The following UBAP1 variants were observed in gnomAD, a reference collection of about 807,000 sequenced individuals.
The protein encoded by UBAP1 is ubiquitin associated protein 1.
UBAP1 carries 5 observed loss-of-function variants against 39.0 expected under a neutral mutation model. The ratio of observed to expected loss-of-function variants is 0.13; its 90% CI spans 0.07 to 0.27. UBAP1 has a LOEUF of 0.27. UBAP1 is among the 10% of genes least tolerant of loss of function. The pLI is 1.00. For missense variants in UBAP1, 490 were observed against 608.1 expected (o/e 0.81, Z 2.04); for synonymous variants, 211 against 225.1 (o/e 0.94, Z 0.56).
At chr9:34,195,204 T>G (rs527982397) in intron 1 of UBAP1, among the ~76,000 whole-genome samples, 30 of 152,046 alleles carry the variant, frequency 2.0e-4, no homozygotes, top group Non-Finnish European at 3.7e-4. Context: ...TCCCCTTTAG[T>G]TTTTCCTTTA....
intron 1 of UBAP1, among the ~76,000 whole-genome samples, chr9:34,195,808 G>C (rs186401743): frequency 4.6e-4 from 70 of 151,780 alleles, no homozygotes; most frequent in Admixed American, 7.2e-4. Context: ...TGTTGGTCAG[G>C]CTGGTCTCGA....
chr9:34,225,995 T>C (rs1833030384), intron 2 of UBAP1, among the ~76,000 whole-genome samples: 1 of 152,020 alleles, frequency 6.6e-6, no homozygotes, highest in Non-Finnish European at 1.5e-5. Context: ...CATATTTACA[T>C]GTTTAATGTA....
At chr9:34,211,749 C>G (rs1224912964) in intron 1 of UBAP1, among the ~76,000 whole-genome samples, 1 of 152,112 alleles carries the variant, frequency 6.6e-6, no homozygotes, top group African/African-American at 2.4e-5. Flanking sequence ...CTTAACCCAT[C>G]TCTTCTTCTT....
At chr9:34,185,506 G>T (rs1830357379) in intron 1 of UBAP1, among the ~76,000 whole-genome samples, 1 of 152,122 alleles carries the variant, frequency 6.6e-6, no homozygotes. Context: ...CTGAGATCAT[G>T]CCCCTGCACT....
intron 1 of UBAP1, among the ~76,000 whole-genome samples, chr9:34,202,456 A>G (rs992457212): frequency 6.6e-6 from 1 of 152,052 alleles, no homozygotes; most frequent in Non-Finnish European, 1.5e-5. Context: ...AAGACTCACA[A>G]TGAGAAAGGG....
At chr9:34,212,961 A>T (rs1832099679) in intron 1 of UBAP1, among the ~76,000 whole-genome samples, 1 of 152,246 alleles carries the variant, frequency 6.6e-6, no homozygotes, top group African/African-American at 2.4e-5. Context: ...ACAAAATACT[A>T]GCTAACCAAA....
intron 1 of UBAP1, among the ~76,000 whole-genome samples, chr9:34,206,871 A>G (rs1347261041): frequency 6.6e-6 from 1 of 151,894 alleles, no homozygotes; most frequent in African/African-American, 2.4e-5. Flanking sequence ...TTATATACCA[A>G]ATGTTTATAT....
intron 1 of UBAP1, among the ~76,000 whole-genome samples, chr9:34,209,138 A>G (rs1831882218): frequency 1.3e-5 from 2 of 151,982 alleles, no homozygotes; most frequent in South Asian, 4.1e-4. Flanking sequence ...GAGTTTCACC[A>G]TGTTGGCCAG....
intron 1 of UBAP1, among the ~76,000 whole-genome samples, chr9:34,212,620 T>C (rs1832081452): frequency 6.6e-6 from 1 of 152,074 alleles, no homozygotes; most frequent in Non-Finnish European, 1.5e-5. Context: ...GTAAAATAAA[T>C]GGGTTTAGGG....
At chr9:34,197,052 C>T (rs1283188203) in intron 1 of UBAP1, among the ~76,000 whole-genome samples, 2 of 151,666 alleles carry the variant, frequency 1.3e-5, no homozygotes, top group Admixed American at 6.6e-5. Flanking sequence ...CTCAGCCTCC[C>T]GAATAGCTGA....
intron 1 of UBAP1, chr9:34,211,964 T>C: frequency 4.8e-6 from 2 of 419,838 alleles, no homozygotes; most frequent in South Asian, 1.7e-5. Context: ...AAGTTGTTGG[T>C]TTTGGGATTT....
chr9:34,179,918 C>A (rs150892708), intron 1 of UBAP1, among the ~76,000 whole-genome samples: 1 of 152,022 alleles, frequency 6.6e-6, no homozygotes, highest in East Asian at 1.9e-4. Flanking sequence ...TCCAGACTAG[C>A]GTCTTAAAAG....
In UBAP1 at chr9:34,186,994, G is replaced by A. The variant is rs1400856331; in HGVS notation, c.-8+7754G>A. 4.6e-5 allele frequency among the ~76,000 whole-genome samples: 7 copies of A among 152,086 alleles called. No individual in the cohort carries two copies. In the East Asian group the frequency reaches 5.8e-4, roughly 13 times the overall value. On this transcript the variant is annotated intron_variant, in intron 1 of 6. Transcript: ENST00000297661. ...GTGATCTTGGCTCACTGCAGCCTCC[G>A]CCTCCTGGGTTCAAGCAATTCTCCT...
chr9:34,222,621 G>C (rs755646439), intron 2 of UBAP1, among the ~76,000 whole-genome samples: 1 of 151,880 alleles, frequency 6.6e-6, no homozygotes, highest in Non-Finnish European at 1.5e-5. Context: ...ATAGTGAGAC[G>C]CTGTCTCTAC....
At chr9:34,231,226 A>C (rs1833401221) in intron 2 of UBAP1, among the ~76,000 whole-genome samples, 1 of 149,736 alleles carries the variant, frequency 6.7e-6, no homozygotes, top group Non-Finnish European at 1.5e-5. Flanking sequence ...GCATGTCTTT[A>C]TTTATTTATT....
intron 1 of UBAP1, among the ~76,000 whole-genome samples, chr9:34,189,969 A>G (rs1830624473): frequency 6.6e-6 from 1 of 152,166 alleles, no homozygotes. Flanking sequence ...AAGGTTTATT[A>G]TATTTCCGAG....
At chr9:34,204,053 G>A (rs960295352) in intron 1 of UBAP1, among the ~76,000 whole-genome samples, 8 of 152,306 alleles carry the variant, frequency 5.3e-5, no homozygotes, top group South Asian at 2.1e-4. Flanking sequence ...GAGACTGGGC[G>A]TGGTGGTTCA....
In UBAP1 at chr9:34,241,987, T is replaced by C. The variant is rs1403218566; in HGVS notation, c.962T>C (p.Leu321Pro). 1.7e-5 allele frequency: 28 copies of C among 1,614,184 alleles called. No individual in the cohort carries two copies. The highest frequency in any genetic ancestry group is 2.3e-5 in the Non-Finnish European group (27 of 1,180,042). Reference sequence around the variant, plus strand: ...CTCAATGGGCATCACACTCTTGGGCTTTCAGCTTTGAACTTGGACAGTGGC... The same window carrying C: ...CTCAATGGGCATCACACTCTTGGGCCTTCAGCTTTGAACTTGGACAGTGGC... ...SELNGHHTLGLSALNLDSGTE... is the reference protein window; with the variant it reads ...SELNGHHTLGPSALNLDSGTE... Residue 321 changes from leucine to proline, a missense_variant, in exon 4 of 7, where the codon CTT (leucine) becomes CCT (proline). Leu to Pro is a moderately conservative substitution (Grantham distance 98). Transcript: ENST00000297661.
chr9:34,218,549 G>A (rs1304887450), intron 1 of UBAP1, among the ~76,000 whole-genome samples: 1 of 152,028 alleles, frequency 6.6e-6, no homozygotes, highest in Admixed American at 6.6e-5. Context: ...TTTAGATACC[G>A]CTACTTTCCC....
Sources: gnomAD v4.1 joint callset for allele counts (sites outside exome capture counted in the v4.1 genomes callset) on GRCh38, gnomAD v4.1.1 for gene constraint, MANE v1.5 for transcripts, NCBI Gene and HGNC (gene_info 2026-07-23, HGNC 2026-07-21) for gene names.